TMEM87B: variants seen among roughly 807,000 people sequenced by gnomAD.
TMEM87B encodes the protein transmembrane protein 87B.
A neutral mutation model predicts 80.3 loss-of-function variants in TMEM87B; 83 were observed. The observed-to-expected ratio is 1.03, with a 90% CI of 0.87 to 1.24. TMEM87B has a LOEUF of 1.24. TMEM87B is among the 50% of genes most tolerant of loss of function. The probability of loss-of-function intolerance (pLI) is 0.00; values close to 1 mark genes in which losing one functional copy is unlikely to be tolerated. For synonymous variants in TMEM87B, 219 were observed against 230.5 expected, an observed-to-expected ratio of 0.95 and a Z score of 0.45; for missense variants, 625 against 674.4, an observed-to-expected ratio of 0.93 and a Z score of 0.81.
chr2:112,088,980 C>T (rs753137453), intron 9 of TMEM87B, among the ~76,000 whole-genome samples: 4 of 152,090 alleles, frequency 2.6e-5, no homozygotes, highest in African/African-American at 4.8e-5. Context: ...AGTTTGGTCT[C>T]GAACTCCTGA....
chr2:112,096,898 A>G lies in TMEM87B; in HGVS notation c.1105-146A>G, dbSNP rs969526467. On this transcript the variant is annotated intron_variant, in intron 11 of 18. Transcript: ENST00000283206. ...GTATAATGATTGTACAATATTGGCCAAGATAACATTTTCTGTGTTTTCATT... is the reference window on the plus strand; with the variant it reads ...GTATAATGATTGTACAATATTGGCCGAGATAACATTTTCTGTGTTTTCATT... 8 of 615,708 alleles carry G rather than the reference A, an allele frequency of 1.3e-5. No homozygotes were observed. The African/African-American group carries it at 1.3e-4, about 10-fold the overall frequency. The allele number at this position is 615,708 out of a possible 1,614,324, so 38.1% of individuals were successfully genotyped here.
intron 13 of TMEM87B, among the ~76,000 whole-genome samples, chr2:112,098,017 C>G (rs1038601509): frequency 6.6e-6 from 1 of 151,770 alleles, no homozygotes; most frequent in African/African-American, 2.4e-5. Context: ...ACTCCGTCAG[C>G]CAGTCTGGAG....
intron 1 of TMEM87B, among the ~76,000 whole-genome samples, chr2:112,056,682 AAAAG>A (rs1282164639): frequency 1.3e-5 from 2 of 152,242 alleles, no homozygotes; most frequent in Non-Finnish European, 2.9e-5. Flanking sequence ...CTTAACCAGA[AAAAG>A]AAAGTAGTTC....
At chr2:112,107,539 CAA>C (rs917992203) in intron 16 of TMEM87B, among the ~76,000 whole-genome samples, 2 of 151,116 alleles carry the variant, frequency 1.3e-5, no homozygotes, top group African/African-American at 4.9e-5. Flanking sequence ...TTTCTCAGGA[CAA>C]AAAAAATAAT....
intron 1 of TMEM87B, among the ~76,000 whole-genome samples, chr2:112,057,929 G>A (rs2104450531): frequency 6.6e-6 from 1 of 151,750 alleles, no homozygotes; most frequent in South Asian, 2.1e-4. Context: ...CCGGGTTCAG[G>A]GGATTCTCCT....
Position 112,081,318 on chromosome 2 carries a change from T to A in TMEM87B, c.655-17T>A. The stretch of plus-strand genomic sequence containing the variant: ...ACCAAAAGGCTTAACTGACTAAAAT[T>A]GCTTCTCTTCCTACAGTTTTACATG... On this transcript the variant is annotated splice_polypyrimidine_tract_variant and intron_variant, in intron 7 of 18. Coordinates refer to ENST00000283206, the MANE Select transcript of TMEM87B (RefSeq NM_032824.3). 2.5e-6 allele frequency: 4 copies of A among 1,579,744 alleles called. No individual in the cohort carries two copies. Among genetic ancestry groups the A allele is most frequent in the Non-Finnish European group, 2.6e-6 (3 of 1,165,582 alleles).
At chr2:112,066,235 G>A (rs1161966438) in intron 3 of TMEM87B, among the ~76,000 whole-genome samples, 1 of 152,064 alleles carries the variant, frequency 6.6e-6, no homozygotes, top group African/African-American at 2.4e-5. Flanking sequence ...TTCTTCCTTT[G>A]TTAGCATTCT....
intron 4 of TMEM87B, among the ~76,000 whole-genome samples, chr2:112,069,198 C>CA (rs1280554360): frequency 0.019 from 1,130 of 60,738 alleles, 39 homozygotes; most frequent in East Asian, 0.036. Context: ...GACTCCGTCT[C>CA]AAAAAAAAAA....
At chr2:112,101,216 T>G (rs566563221) in intron 15 of TMEM87B, among the ~76,000 whole-genome samples, 111 of 152,342 alleles carry the variant, frequency 7.3e-4, no homozygotes, top group Non-Finnish European at 1.2e-3. Flanking sequence ...TTGAGGGTAA[T>G]TTTATCTTTG....
chr2:112,081,395 G>A lies in TMEM87B; in HGVS notation c.715G>A (p.Ala239Thr). ...LYGILWLTWS[A>T]CYWKDILRIQ... ...TGGCATACTCTGGCTGACGTGGTCT[G>A]CCTGTTATTGGAAAGATATATTAAG... The change falls in exon 8 of 19, where the codon GCC (alanine) becomes ACC (threonine). Residue 239 changes from alanine (A) to threonine (T), a missense_variant. Transcript: ENST00000283206. 1 of 1,613,788 alleles carries A rather than the reference G, an allele frequency of 6.2e-7. No individual in the cohort carries two copies.
At chr2:112,100,455 T>G (rs1478748988) in intron 14 of TMEM87B, among the ~76,000 whole-genome samples, 167 bp from the exon 15 acceptor site, 1 of 152,192 alleles carries the variant, frequency 6.6e-6, no homozygotes, top group African/African-American at 2.4e-5. Flanking sequence ...CACAATTTCT[T>G]AATGATAATT....
chr2:112,105,142 T>TAC lies in TMEM87B; in HGVS notation c.1451-849_1451-848dup, dbSNP rs145629646. Reference sequence around the variant, plus strand: ...TTAAAATTTGTAATATATATATATATACACACACACACGCTTCAGTGTTCA... The same window carrying TAC: ...TTAAAATTTGTAATATATATATATATACACACACACACACGCTTCAGTGTTCA... On this transcript the variant is annotated intron_variant, in intron 15 of 18. Transcript: ENST00000283206. 4.3e-4 allele frequency among the ~76,000 whole-genome samples: 66 copies of TAC among 151,886 alleles called. 1 individual carries two copies. Among genetic ancestry groups the TAC allele is most frequent in the Middle Eastern group, 3.4e-3 (1 of 292 alleles).
intron 8 of TMEM87B, among the ~76,000 whole-genome samples, 170 bp from the exon 9 acceptor site, chr2:112,085,835 C>A (rs1303982938): frequency 6.6e-6 from 1 of 152,160 alleles, no homozygotes; most frequent in Non-Finnish European, 1.5e-5. Flanking sequence ...GAGTATGAAT[C>A]CTTCACTGAA....
At chr2:112,068,492 C>G (rs1177334246) in intron 4 of TMEM87B, among the ~76,000 whole-genome samples, 1 of 152,106 alleles carries the variant, frequency 6.6e-6, no homozygotes, top group African/African-American at 2.4e-5. Context: ...ATCATGAGGT[C>G]AGGAGATCGA....
chr2:112,085,207 C>T (rs1187074818), intron 8 of TMEM87B, among the ~76,000 whole-genome samples: 13 of 152,366 alleles, frequency 8.5e-5, no homozygotes, highest in Non-Finnish European at 5.9e-5. Flanking sequence ...TGGTCCCTGC[C>T]TTTATGACCA....
In TMEM87B at chr2:112,096,007, AC is replaced by A. The variant is rs547464497; in HGVS notation, c.1105-1031del. 6.6e-5 allele frequency among the ~76,000 whole-genome samples: 10 copies of A among 151,260 alleles called. No homozygotes were observed. In the South Asian group the frequency reaches 1.1e-3, roughly 16 times the overall value. The stretch of plus-strand genomic sequence containing the variant: ...CCTGGAAAACAGCCAAGATTAAGAC[AC>A]CCCCCTCCAAACCCCCTTCCCTATT... On this transcript the variant is annotated intron_variant, in intron 11 of 18. Transcript: ENST00000283206.
In TMEM87B at chr2:112,066,945, CA is replaced by C; in HGVS notation, c.333del (p.Lys111AsnfsTer14). ...NEHSNLEELF[Q>X]KHKLSVDEDF... ...ATTTTACCTTATATAGGAGCTGTTC[CA>C]AAAACATAAACTTAGTGTTGATGAA... On this transcript the variant is annotated frameshift_variant, in exon 4 of 19. Transcript: ENST00000283206. LOFTEE classifies it high-confidence loss of function. The C allele has an allele frequency of 1.3e-6, 2 of 1,599,734 alleles. No homozygotes were observed. Among genetic ancestry groups the C allele is most frequent in the Admixed American group, 1.8e-5 (1 of 56,490 alleles).
chr2:112,068,607 G>A (rs1221345173), intron 4 of TMEM87B, among the ~76,000 whole-genome samples: 2 of 151,872 alleles, frequency 1.3e-5, no homozygotes, highest in Non-Finnish European at 2.9e-5. Context: ...GGGAGGCTGA[G>A]GCAGGAGAAT....
intron 15 of TMEM87B, among the ~76,000 whole-genome samples, chr2:112,104,290 A>T (rs1372559491): frequency 6.6e-6 from 1 of 152,224 alleles, no homozygotes; most frequent in Non-Finnish European, 1.5e-5. Flanking sequence ...GGCTAGCTAC[A>T]GTGGGAGATA....
Sources: gnomAD v4.1 joint callset for allele counts (sites outside exome capture counted in the v4.1 genomes callset) on GRCh38, gnomAD v4.1.1 for gene constraint, MANE v1.5 for transcripts, NCBI Gene and HGNC (gene_info 2026-07-23, HGNC 2026-07-21) for gene names.